Variants in GRM8 observed in about 807,000 individuals in gnomAD.
The protein encoded by GRM8 is glutamate metabotropic receptor 8.
In GRM8, 47 loss-of-function variants were observed where a neutral mutation model predicts 87.2. The observed-to-expected ratio is 0.54, with a 90% CI of 0.43 to 0.69. GRM8 has a LOEUF of 0.69. Among genes scored for constraint, GRM8 ranks in the 30% least tolerant of loss-of-function variants. The pLI, the probability that GRM8 is intolerant of heterozygous loss-of-function variation, is 0.00. For synonymous variants in GRM8, 396 were observed against 404.5 expected, an observed-to-expected ratio of 0.98 and a Z score of 0.25; for missense variants, 1,019 against 1,139.2, an observed-to-expected ratio of 0.89 and a Z score of 1.52.
intron 3 of GRM8, among the ~76,000 whole-genome samples, chr7:126,992,173 T>C (rs1812725684): frequency 6.6e-6 from 1 of 152,158 alleles, no homozygotes; most frequent in Non-Finnish European, 1.5e-5. Flanking sequence ...GCAAATACAA[T>C]GTCCTAAGCT....
Position 126,533,773 on chromosome 7 carries a change from G to T in GRM8, c.1609C>A (p.His537Asn). Residue 537 changes from histidine to asparagine, a missense_variant, in exon 9 of 11, where the codon CAC (histidine) becomes AAC (asparagine). Coordinates refer to ENST00000339582, the MANE Select transcript of GRM8 (RefSeq NM_000845.3). ...TTGTAACCTTCACAGCGTTCACAGT[G>T]CCAGCAGCAAGGGACCCCTTTCACC... ...KTVKGVPCCW[H>N]CERCEGYNYQ... 6.2e-7 allele frequency: 1 copy of T among 1,614,030 alleles called. No individual in the cohort carries two copies.
At chr7:127,061,873 G>C (rs1054847576) in intron 3 of GRM8, among the ~76,000 whole-genome samples, 1 of 152,146 alleles carries the variant, frequency 6.6e-6, no homozygotes, top group African/African-American at 2.4e-5. Flanking sequence ...CACTATAGGA[G>C]AGCCCCAGAC....
At chr7:126,568,306 G>T (rs921809332) in intron 8 of GRM8, among the ~76,000 whole-genome samples, 1 of 152,080 alleles carries the variant, frequency 6.6e-6, no homozygotes, top group Admixed American at 6.6e-5. Flanking sequence ...TACGTTAACA[G>T]AAAGAAAAAT....
At position 126,533,533 on chromosome 7, in the gene GRM8, A is replaced by G; in HGVS notation, c.1849T>C (p.Ser617Pro). The part of the protein sequence containing the change: ...RYNDTPIVRA[S>P]GRELSYVLLT... ...AGCACGTAACTAAGTTCGCGTCCTG[A>G]AGCCCTCACGATAGGTGTGTCATTA... Residue 617 changes from serine to proline, a missense_variant, in exon 9 of 11, where the codon TCA becomes CCA. Transcript: ENST00000339582. 2.5e-6 allele frequency: 4 copies of G among 1,614,136 alleles called. No homozygotes were observed. The highest frequency in any genetic ancestry group is 3.4e-6 in the Non-Finnish European group (4 of 1,179,994).
intron 6 of GRM8, among the ~76,000 whole-genome samples, chr7:126,871,134 A>T (rs1276168160): frequency 6.6e-6 from 1 of 152,162 alleles, no homozygotes; most frequent in African/African-American, 2.4e-5. Context: ...GAATTGTGAG[A>T]CCATCTCTAG....
chr7:127,060,584 G>A (rs990492650), intron 3 of GRM8, among the ~76,000 whole-genome samples: 1 of 152,064 alleles, frequency 6.6e-6, no homozygotes, highest in Non-Finnish European at 1.5e-5. Flanking sequence ...CAGAATATCT[G>A]CTGAAAATAG....
At chr7:126,965,459 A>C (rs1809754589) in intron 3 of GRM8, among the ~76,000 whole-genome samples, 1 of 152,154 alleles carries the variant, frequency 6.6e-6, no homozygotes, top group Admixed American at 6.5e-5. Context: ...TGCAATAGCA[A>C]TCTGATACAA....
intron 9 of GRM8, among the ~76,000 whole-genome samples, chr7:126,530,142 C>A (rs1814569320): frequency 6.6e-6 from 1 of 152,112 alleles, no homozygotes; most frequent in Non-Finnish European, 1.5e-5. Context: ...TTCATTTTAC[C>A]CAAATGTTTT....
intron 6 of GRM8, among the ~76,000 whole-genome samples, chr7:126,861,959 CTTGT>C (rs1432520324): frequency 6.6e-6 from 1 of 151,500 alleles, no homozygotes; most frequent in Non-Finnish European, 1.5e-5. Flanking sequence ...TCCCTTTTGG[CTTGT>C]TTTTGTTTTG....
chr7:126,919,163 A>C (rs1253095840), intron 3 of GRM8, among the ~76,000 whole-genome samples: 1 of 152,100 alleles, frequency 6.6e-6, no homozygotes, highest in East Asian at 1.9e-4. Context: ...TCCTCTTCTC[A>C]TCCCTGCAGT....
At chr7:126,460,708 T>C (rs1349780145) in intron 9 of GRM8, among the ~76,000 whole-genome samples, 1 of 151,590 alleles carries the variant, frequency 6.6e-6, no homozygotes, top group East Asian at 2.0e-4. Context: ...ACCAGGTACC[T>C]GAAAGAGCTA....
intron 6 of GRM8, among the ~76,000 whole-genome samples, chr7:126,844,318 TG>T (rs753498481): frequency 9.8e-5 from 15 of 152,316 alleles, no homozygotes; most frequent in Non-Finnish European, 1.9e-4. Context: ...AGGTCTAATG[TG>T]GGTCCAAGAA....
intron 7 of GRM8, among the ~76,000 whole-genome samples, chr7:126,618,570 TA>T (rs1434103080): frequency 6.6e-6 from 1 of 152,060 alleles, no homozygotes; most frequent in African/African-American, 2.4e-5. Flanking sequence ...CGAAAGAAAC[TA>T]CCATCAGAGT....
intron 9 of GRM8, among the ~76,000 whole-genome samples, chr7:126,503,063 T>A (rs1173472494): frequency 1.3e-5 from 2 of 151,916 alleles, no homozygotes; most frequent in Admixed American, 6.6e-5. Context: ...TCAACCAAAG[T>A]GATTTCCAGG....
At chr7:127,179,666 G>A (rs1406405222) in intron 2 of GRM8, among the ~76,000 whole-genome samples, 1 of 152,028 alleles carries the variant, frequency 6.6e-6, no homozygotes, top group African/African-American at 2.4e-5. Context: ...GAACACAGTG[G>A]AATAAAACTG....
chr7:126,862,406 A>G (rs1798212091), intron 6 of GRM8, among the ~76,000 whole-genome samples: 1 of 151,990 alleles, frequency 6.6e-6, no homozygotes, highest in African/African-American at 2.4e-5. Flanking sequence ...GTATTACAAA[A>G]ATATTCTTAA....
chr7:126,669,266 A>G (rs1331001454), intron 7 of GRM8, among the ~76,000 whole-genome samples: 1 of 152,170 alleles, frequency 6.6e-6, no homozygotes, highest in African/African-American at 2.4e-5. Context: ...GCAAACCACA[A>G]TGGTACATGT....
At chr7:126,787,200 G>A (rs577056528) in intron 6 of GRM8, among the ~76,000 whole-genome samples, 12 of 152,260 alleles carry the variant, frequency 7.9e-5, no homozygotes, top group South Asian at 2.1e-4. Flanking sequence ...CACTCTGAGT[G>A]CATTTTGTCA....
chr7:126,538,646 A>G (rs1355424444), intron 8 of GRM8, among the ~76,000 whole-genome samples: 4 of 152,068 alleles, frequency 2.6e-5, no homozygotes, highest in African/African-American at 9.7e-5. Flanking sequence ...ATTAATAATT[A>G]TTTTGTTGAC....
Sources: allele counts gnomAD v4.1 joint callset (sites outside exome capture counted in the v4.1 genomes callset), GRCh38; gene constraint gnomAD v4.1.1; transcripts MANE v1.5; gene names NCBI Gene and HGNC (gene_info 2026-07-23, HGNC 2026-07-21).